Variants in DZIP1L observed in about 807,000 individuals in gnomAD.
DZIP1L encodes DAZ interacting zinc finger protein 1 like, also known as cilium assembly protein DZIP1L.
Under a neutral mutation model 88.7 loss-of-function variants are expected in DZIP1L, and 90 were observed. The ratio of observed to expected loss-of-function variants is 1.02; its 90% CI spans 0.86 to 1.21. The LOEUF (loss-of-function observed/expected upper bound fraction) is 1.21, where lower values mean the gene tolerates loss of function less well. Ranked by LOEUF, DZIP1L falls within the 50% of genes most tolerant of loss-of-function variation. The pLI, the probability that DZIP1L is intolerant of heterozygous loss-of-function variation, is 0.00. For synonymous variants in DZIP1L, 363 were observed against 372.1 expected (o/e 0.98, Z 0.28); for missense variants, 932 against 955.8 (o/e 0.98, Z 0.33).
chr3:138,089,659 T>G (rs1174366377), intron 5 of DZIP1L, among the ~76,000 whole-genome samples: 4 of 152,200 alleles, frequency 2.6e-5, no homozygotes, highest in Non-Finnish European at 5.9e-5. Context: ...AATGGAATCT[T>G]GCTGGTTTTT....
At chr3:138,081,299 T>C (rs933259299) in intron 9 of DZIP1L, among the ~76,000 whole-genome samples, 1 of 151,948 alleles carries the variant, frequency 6.6e-6, no homozygotes, top group Admixed American at 6.6e-5. Flanking sequence ...CACACCAGAG[T>C]ACCCAAGAGG....
chr3:138,065,684 C>T (rs1158822644), intron 14 of DZIP1L, among the ~76,000 whole-genome samples: 1 of 152,222 alleles, frequency 6.6e-6, no homozygotes, highest in Non-Finnish European at 1.5e-5. Context: ...TGGCCAAGTA[C>T]TGCAGAGTCT....
At chr3:138,108,563 C>T (rs895556789) in intron 1 of DZIP1L, among the ~76,000 whole-genome samples, 1 of 152,038 alleles carries the variant, frequency 6.6e-6, no homozygotes, top group Non-Finnish European at 1.5e-5. Flanking sequence ...CTGCTATCCA[C>T]CTGCAACCCA....
intron 15 of DZIP1L, 129 bp downstream of exon 15, chr3:138,064,499 C>A: frequency 6.2e-7 from 1 of 1,612,042 alleles, no homozygotes; most frequent in Non-Finnish European, 8.5e-7. Flanking sequence ...GGGAGGTCAC[C>A]CACAATGTCC....
chr3:138,084,844 T>C (rs1943847559), intron 7 of DZIP1L, among the ~76,000 whole-genome samples: 1 of 152,272 alleles, frequency 6.6e-6, no homozygotes, highest in South Asian at 2.1e-4. Context: ...TTTCTACATA[T>C]GGCTAGCCAG....
intron 12 of DZIP1L, among the ~76,000 whole-genome samples, chr3:138,068,810 C>CAAGATCCA (rs1943039293): frequency 6.6e-6 from 1 of 152,200 alleles, no homozygotes; most frequent in African/African-American, 2.4e-5. Flanking sequence ...ACTCAAACCT[C>CAAGATCCA]CTCCCAAATG....
At chr3:138,086,267 T>TA (rs202084004) in intron 7 of DZIP1L, among the ~76,000 whole-genome samples, 1,913 of 134,842 alleles carry the variant, frequency 0.014, 42 homozygotes, top group African/African-American at 0.045. Context: ...TAATAATAAT[T>TA]AAAAAAAAAA....
chr3:138,102,284 C>A, intron 2 of DZIP1L: 1 of 1,435,986 alleles, frequency 7.0e-7, no homozygotes, highest in Non-Finnish European at 9.8e-7. Flanking sequence ...CCAGGCGAGA[C>A]TCCAGCTCTA....
chr3:138,105,091 T>A (rs1236202441), intron 1 of DZIP1L, among the ~76,000 whole-genome samples: 1 of 152,162 alleles, frequency 6.6e-6, no homozygotes, highest in African/African-American at 2.4e-5. Flanking sequence ...TGTACTGATA[T>A]GAAATGATAA....
At chr3:138,087,102 A>C in intron 6 of DZIP1L, 79 bp from the exon 7 acceptor site, 1 of 1,365,578 alleles carries the variant, frequency 7.3e-7, no homozygotes, top group East Asian at 2.3e-5. Context: ...AGTTAAAAGT[A>C]CTGGCTCATG....
Position 138,097,710 on chromosome 3 carries a change from C to T in DZIP1L, c.586+53G>A, listed in dbSNP as rs1206162663. 3 of 1,528,330 alleles carry T rather than the reference C, an allele frequency of 2.0e-6. No homozygotes were observed. In the African/African-American group the frequency reaches 4.1e-5, roughly 21 times the overall value. The allele number at this position is 1,528,330 out of a possible 1,614,324, so 94.7% of individuals were successfully genotyped here. A position where few individuals can be genotyped will look rare whatever the true frequency, so the allele number is the denominator to read the frequency against. On this transcript the variant is annotated intron_variant, in intron 3 of 15. Transcript: ENST00000327532. ...GTGGTCACCACCCACTGAATACCAG[C>T]CCCAGCCCTTTCCACAGTCCCAGAA... is the stretch of plus-strand genomic sequence containing the variant.
At chr3:138,065,937 A>T (rs1942876532) in intron 14 of DZIP1L, among the ~76,000 whole-genome samples, 1 of 150,434 alleles carries the variant, frequency 6.6e-6, no homozygotes. Context: ...AACCTGTTAG[A>T]TAGAAAATAA....
intron 2 of DZIP1L, 82 bp from the exon 3 acceptor site, chr3:138,097,929 T>G (rs1448855268): frequency 1.6e-6 from 2 of 1,225,858 alleles, no homozygotes; most frequent in Non-Finnish European, 2.4e-6. Flanking sequence ...AAAGCCCCCA[T>G]CCCCTTGGGA....
chr3:138,071,665 G>C lies in DZIP1L; in HGVS notation c.1593C>G (p.Ser531=), dbSNP rs375025881. The C allele has an allele frequency of 5.5e-5, 88 of 1,613,714 alleles. No individual in the cohort carries two copies. The highest frequency in any genetic ancestry group is 6.8e-5 in the Non-Finnish European group (80 of 1,179,760). The change falls in exon 12 of 16, where the codon TCC becomes TCG. Residue 531 remains serine (S), a synonymous_variant. Transcript: ENST00000327532. ...TACCTGAAGGCTGCCCGTCTGGCTG[G>C]GACACCACAGCGCCATTCTCCTGTC... The part of the protein sequence containing the change: ...KERQENGAVV[S]QPDGQPSVKS...
In DZIP1L at chr3:138,088,433, C is replaced by T; in HGVS notation, c.945G>A (p.Glu315=). ...LGSLRDEESE[E]WLRQARELQA... is the part of the protein sequence containing the mutation. Reference sequence around the variant, plus strand: ...GAAGCTCCCGTGCCTGCCGAAGCCACTCCTCTGACTCCTCATCTCGCAGTG... The same window carrying T: ...GAAGCTCCCGTGCCTGCCGAAGCCATTCCTCTGACTCCTCATCTCGCAGTG... Residue 315 remains glutamate (E), a synonymous_variant, in exon 6 of 16, where the codon GAG becomes GAA. Transcript: ENST00000327532. 6.2e-7 allele frequency: 1 copy of T among 1,614,032 alleles called. No homozygotes were observed. The highest frequency in any genetic ancestry group is 8.5e-7 in the Non-Finnish European group (1 of 1,179,946).
chr3:138,082,624 C>T (rs1244578198), intron 8 of DZIP1L, among the ~76,000 whole-genome samples: 1 of 152,224 alleles, frequency 6.6e-6, no homozygotes, highest in East Asian at 1.9e-4. Flanking sequence ...ACCCTTATGA[C>T]AAACTCCCTC....
intron 11 of DZIP1L, among the ~76,000 whole-genome samples, chr3:138,074,136 G>A (rs1218044630): frequency 1.3e-5 from 2 of 152,144 alleles, no homozygotes; most frequent in East Asian, 1.9e-4. Context: ...AAACATCTTC[G>A]AGGGAATAAT....
chr3:138,105,998 TTTA>T (rs2042471955), intron 1 of DZIP1L, among the ~76,000 whole-genome samples: 1 of 152,074 alleles, frequency 6.6e-6, no homozygotes, highest in African/African-American at 2.4e-5. Flanking sequence ...TTCTATCACT[TTTA>T]TTATTTTTTA....
rs758554169 is a variant in DZIP1L at position 138,097,836 on chromosome 3, A to ACT, written c.512_513insAG (p.Cys171Ter). Residue 171 changes from cysteine to a stop codon, truncating the protein, a stop_gained and frameshift_variant, in exon 3 of 16, where the codon TGT becomes TGAGT. Coordinates refer to ENST00000327532, the MANE Select transcript of DZIP1L (RefSeq NM_173543.3). LOFTEE classifies it high-confidence loss of function. ...AGGTGGCATTCATGAATGTCTTGTC[A>ACT]CACAGGTGGCACTATACAGAGAGGA... ...GTHSYHTCHL[C>*]DKTFMNATFL... is the part of the protein sequence containing the mutation. 1 of 1,612,430 alleles carries ACT rather than the reference A, an allele frequency of 6.2e-7. No individual in the cohort carries two copies. Among genetic ancestry groups the ACT allele is most frequent in the South Asian group, 1.1e-5 (1 of 90,508 alleles).
Sources: allele counts gnomAD v4.1 joint callset (sites outside exome capture counted in the v4.1 genomes callset), GRCh38; gene constraint gnomAD v4.1.1; transcripts MANE v1.5; gene names NCBI Gene and HGNC (gene_info 2026-07-23, HGNC 2026-07-21).